Variants in TSGA10 observed in about 807,000 individuals in gnomAD.
TSGA10 encodes the protein testis specific 10.
Under a neutral mutation model 96.6 loss-of-function variants are expected in TSGA10, and 43 were observed. The ratio of observed to expected loss-of-function variants is 0.44; its 90% CI spans 0.35 to 0.57. The LOEUF is 0.57. TSGA10 is among the 20% of genes least tolerant of loss of function. The pLI, the probability that TSGA10 is intolerant of heterozygous loss-of-function variation, is 0.01. For missense variants in TSGA10, 703 were observed against 834.4 expected (o/e 0.84, Z 1.94); for synonymous variants, 229 against 269.9 (o/e 0.85, Z 1.48).
At chr2:99,000,589 G>A (rs902756777) in intron 20 of TSGA10, among the ~76,000 whole-genome samples, 57 of 151,904 alleles carry the variant, frequency 3.8e-4, no homozygotes, top group African/African-American at 1.2e-3. Context: ...CAGCGTAAGC[G>A]ACACAGAAGA....
At chr2:99,049,531 G>A (rs1274591741) in intron 16 of TSGA10, among the ~76,000 whole-genome samples, 1 of 152,052 alleles carries the variant, frequency 6.6e-6, no homozygotes, top group Non-Finnish European at 1.5e-5. Context: ...GTTCAACAAT[G>A]AGAACACCGG....
At chr2:99,073,140 A>G (rs2086182715) in intron 12 of TSGA10, 67 bp from the exon 13 acceptor site, 26 of 1,098,060 alleles carry the variant, frequency 2.4e-5, no homozygotes, top group African/African-American at 3.2e-5. Flanking sequence ...AATTGAATGA[A>G]CAAAAAGAAA....
rs2093731260 is a variant in TSGA10 at position 99,154,764 on chromosome 2, C to A, written c.-692G>T. ...TCCCATCTGAACTGGGGCCTTATGA[C>A]CTTCGGTACTTTTATTCGAACGTAG... On this transcript the variant is annotated 5_prime_UTR_variant, in exon 1 of 21. Coordinates refer to ENST00000393483, the MANE Select transcript of TSGA10 (RefSeq NM_025244.4). 1 of 312,398 alleles carries A rather than the reference C, an allele frequency of 3.2e-6. No homozygotes were observed. Among genetic ancestry groups the A allele is most frequent in the East Asian group, 9.7e-5 (1 of 10,304 alleles). The allele number at this position is 312,398 out of a possible 1,614,324, so 19.4% of individuals were successfully genotyped here.
At chr2:99,054,118 T>C (rs1427700662) in intron 16 of TSGA10, among the ~76,000 whole-genome samples, 1 of 152,132 alleles carries the variant, frequency 6.6e-6, no homozygotes. Flanking sequence ...ACTACCTGAT[T>C]TCAAAATACT....
chr2:99,150,539 A>G, intron 1 of TSGA10: 1 of 1,605,378 alleles, frequency 6.2e-7, no homozygotes, highest in Non-Finnish European at 8.5e-7. Context: ...AATTACTTTC[A>G]CATTTGTTCA....
At chr2:99,039,736 C>CTT (rs1318700568) in intron 16 of TSGA10, among the ~76,000 whole-genome samples, 4 of 151,964 alleles carry the variant, frequency 2.6e-5, no homozygotes, top group Non-Finnish European at 4.4e-5. Flanking sequence ...TTCCACAAGG[C>CTT]AGAGAAAGAG....
At chr2:99,002,138 C>T (rs193100932) in intron 20 of TSGA10, among the ~76,000 whole-genome samples, 1 of 152,040 alleles carries the variant, frequency 6.6e-6, no homozygotes, top group Non-Finnish European at 1.5e-5. Context: ...ACAGAGAACG[C>T]TACAAAGATA....
intron 17 of TSGA10, among the ~76,000 whole-genome samples, chr2:99,034,901 T>C (rs529309581): frequency 1.3e-5 from 2 of 152,294 alleles, no homozygotes; most frequent in African/African-American, 4.8e-5. Flanking sequence ...AGTAAATAAA[T>C]TTAGCTTAAA....
intron 10 of TSGA10, among the ~76,000 whole-genome samples, chr2:99,086,116 C>CTA (rs1348270278): frequency 0.012 from 1,827 of 152,232 alleles, 39 homozygotes; most frequent in African/African-American, 0.042. Context: ...CAACAAACAC[C>CTA]CATGACAGGG....
chr2:99,121,683 G>A (rs1015926999), intron 2 of TSGA10, among the ~76,000 whole-genome samples: 2 of 152,002 alleles, frequency 1.3e-5, no homozygotes, highest in African/African-American at 4.8e-5. Flanking sequence ...TGTTGGCCAG[G>A]CCGGTCTTGA....
intron 10 of TSGA10, among the ~76,000 whole-genome samples, chr2:99,083,360 A>G (rs533366210): frequency 7.2e-5 from 11 of 152,302 alleles, no homozygotes; most frequent in African/African-American, 2.6e-4. Context: ...TAGACACTCA[A>G]AAATACTACA....
intron 1 of TSGA10, among the ~76,000 whole-genome samples, chr2:99,136,112 A>G (rs1559128734): frequency 6.6e-6 from 1 of 152,028 alleles, no homozygotes; most frequent in African/African-American, 2.4e-5. Flanking sequence ...CATGATAAGC[A>G]CTATATATAT....
chr2:99,076,320 A>G (rs537317007), intron 12 of TSGA10, among the ~76,000 whole-genome samples: 1 of 152,304 alleles, frequency 6.6e-6, no homozygotes, highest in East Asian at 1.9e-4. Context: ...TTTCTTAACT[A>G]GTGTCCCTGT....
intron 20 of TSGA10, among the ~76,000 whole-genome samples, chr2:99,017,005 T>C (rs576474040): frequency 6.6e-6 from 1 of 152,280 alleles, no homozygotes; most frequent in East Asian, 1.9e-4. Context: ...AAAGCATAGA[T>C]GTTGGCATAG....
intron 17 of TSGA10, among the ~76,000 whole-genome samples, chr2:99,024,217 G>A (rs1249194380): frequency 6.6e-6 from 1 of 151,848 alleles, no homozygotes; most frequent in Non-Finnish European, 1.5e-5. Context: ...GGCCTCCCAA[G>A]TAGCTGGGAT....
intron 16 of TSGA10, among the ~76,000 whole-genome samples, chr2:99,056,813 C>A: frequency 1.7e-5 from 2 of 116,210 alleles, no homozygotes; most frequent in Non-Finnish European, 1.8e-5. Flanking sequence ...ACACAAAATC[C>A]TTCAAAAAAA....
intron 18 of TSGA10, among the ~76,000 whole-genome samples, chr2:99,019,692 T>C (rs1462282556): frequency 6.6e-6 from 1 of 152,134 alleles, no homozygotes; most frequent in Non-Finnish European, 1.5e-5. Flanking sequence ...TCAGTTTTTA[T>C]GAGAGATGAT....
chr2:99,058,064 T>C (rs1573931376), intron 16 of TSGA10, among the ~76,000 whole-genome samples: 1 of 152,102 alleles, frequency 6.6e-6, no homozygotes, highest in Middle Eastern at 3.2e-3. Context: ...TGCAAAAGAA[T>C]GAATTTGGAC....
chr2:99,018,026 A>G (rs2079681036), intron 20 of TSGA10, among the ~76,000 whole-genome samples, 174 bp downstream of exon 20: 1 of 152,146 alleles, frequency 6.6e-6, no homozygotes, highest in South Asian at 2.1e-4. Context: ...AGTATAATAT[A>G]TATAATTCTA....
Sources: allele counts gnomAD v4.1 joint callset (sites outside exome capture counted in the v4.1 genomes callset), GRCh38; gene constraint gnomAD v4.1.1; transcripts MANE v1.5; gene names NCBI Gene and HGNC (gene_info 2026-07-23, HGNC 2026-07-21).